Variants in NTNG2 observed in about 807,000 individuals in gnomAD.
NTNG2 encodes the protein netrin G2.
In NTNG2, 15 loss-of-function variants were observed where a neutral mutation model predicts 47.6. The ratio of observed to expected loss-of-function variants is 0.32; its 90% CI spans 0.21 to 0.49. The LOEUF (loss-of-function observed/expected upper bound fraction) is 0.49. Ranked by LOEUF, NTNG2 falls within the 20% of genes least tolerant of loss-of-function variation. The probability of loss-of-function intolerance (pLI) is 0.99; values close to 1 mark genes in which losing one functional copy is unlikely to be tolerated. For missense variants in NTNG2, 578 were observed against 764.6 expected (o/e 0.76, Z 2.88); for synonymous variants, 307 against 324.6 (o/e 0.95, Z 0.58).
chr9:132,196,809 G>T (rs562586836), intron 2 of NTNG2, among the ~76,000 whole-genome samples: 1 of 152,096 alleles, frequency 6.6e-6, no homozygotes, highest in Non-Finnish European at 1.5e-5. Context: ...GGGCTCAGTC[G>T]CACCACACTG....
intron 3 of NTNG2, among the ~76,000 whole-genome samples, chr9:132,204,440 T>C (rs755653559): frequency 3.9e-5 from 6 of 152,072 alleles, no homozygotes; most frequent in Non-Finnish European, 8.8e-5. Context: ...AAGAAAACCA[T>C]GGAGGGTGGG....
At chr9:132,185,683 C>A (rs1047920487) in intron 2 of NTNG2, among the ~76,000 whole-genome samples, 3 of 152,048 alleles carry the variant, frequency 2.0e-5, no homozygotes, top group Non-Finnish European at 4.4e-5. Context: ...TCTTCTCTCC[C>A]GTTCTTTCAT....
At chr9:132,199,629 C>T (rs1384162703) in intron 3 of NTNG2, among the ~76,000 whole-genome samples, 1 of 152,206 alleles carries the variant, frequency 6.6e-6, no homozygotes, top group Non-Finnish European at 1.5e-5. Flanking sequence ...TCCAATCCCT[C>T]CAGAGGTCGA....
At chr9:132,232,314 T>A (rs1298801935) in intron 5 of NTNG2, 1 of 152,532 alleles carries the variant, frequency 6.6e-6, no homozygotes, top group African/African-American at 2.4e-5. Context: ...AGCAAATGTC[T>A]CTGATCAGCA....
intron 3 of NTNG2, among the ~76,000 whole-genome samples, chr9:132,209,428 G>T (rs1333163656): frequency 6.6e-6 from 1 of 152,236 alleles, no homozygotes; most frequent in Non-Finnish European, 1.5e-5. Flanking sequence ...CCCGCCGTGG[G>T]GGCGTGCGAG....
At chr9:132,167,518 G>A (rs976277688) in intron 2 of NTNG2, among the ~76,000 whole-genome samples, 2 of 152,236 alleles carry the variant, frequency 1.3e-5, no homozygotes, top group African/African-American at 4.8e-5. Flanking sequence ...AGCATGCCAA[G>A]CACTGAGCTG....
At chr9:132,227,473 G>C (rs1840864374) in intron 4 of NTNG2, among the ~76,000 whole-genome samples, 1 of 152,166 alleles carries the variant, frequency 6.6e-6, no homozygotes, top group South Asian at 2.1e-4. Flanking sequence ...GATGGGGTGG[G>C]ACCCCCACTT....
Position 132,243,425 on chromosome 9 carries a change from G to T in NTNG2, c.*1314G>T, listed in dbSNP as rs1327857502. The stretch of plus-strand genomic sequence containing the variant: ...GCTGGAGGGGACAGGGGCAGCTTGG[G>T]AGTGGTGAGGAAGCTCCTAGATTCG... On this transcript the variant is annotated 3_prime_UTR_variant, in exon 8 of 8. Coordinates refer to ENST00000393229, the MANE Select transcript of NTNG2 (RefSeq NM_032536.4). 6.6e-6 allele frequency: 1 copy of T among 152,318 alleles called. No individual in the cohort carries two copies. The highest frequency in any genetic ancestry group is 1.5e-5 in the Non-Finnish European group (1 of 68,134). 9.4% of individuals were successfully genotyped at this position (152,318 alleles called of 1,614,324 possible).
In NTNG2 at chr9:132,242,389, CTTT is replaced by C. The variant is rs576454643; in HGVS notation, c.*293_*295del. The C allele has an allele frequency of 9.7e-5, 13 of 134,210 alleles. No homozygotes were observed. The highest frequency in any genetic ancestry group is 9.3e-5 in the Non-Finnish European group (6 of 64,412). The allele number at this position is 134,210 out of a possible 1,614,324, so 8.3% of individuals were successfully genotyped here. A position where few individuals can be genotyped will look rare whatever the true frequency, so the allele number is the denominator to read the frequency against. ...TCCTTTTTTGTCTTTCTCTCTCTCT[CTTT>C]TTTTTTTTTTTTTTCTGGCGGTGAG... On this transcript the variant is annotated 3_prime_UTR_variant, in exon 8 of 8. Transcript: ENST00000393229. The surrounding 1 kb of genome is among the most constrained non-coding windows in gnomAD (Gnocchi z 5.9).
Position 132,180,475 on chromosome 9 carries a change from C to T in NTNG2, c.213+13431C>T, listed in dbSNP as rs924792430. On this transcript the variant is annotated intron_variant, in intron 2 of 7. Coordinates refer to ENST00000393229, the MANE Select transcript of NTNG2 (RefSeq NM_032536.4). This position sits in a 1 kb window ranked among gnomAD's most constrained non-coding sequence, Gnocchi z 4.2. ...GCCCCTGTCCCCACCCAGGCAACATCCAAAACCTTTGCCCACAGTTCTGGG... is the reference window on the plus strand; with the variant it reads ...GCCCCTGTCCCCACCCAGGCAACATTCAAAACCTTTGCCCACAGTTCTGGG... Among the ~76,000 whole-genome samples, 1 of 152,232 alleles carries T rather than the reference C, an allele frequency of 6.6e-6. No individual in the cohort carries two copies. Among genetic ancestry groups the T allele is most frequent in the African/African-American group, 2.4e-5 (1 of 41,458 alleles).
intron 2 of NTNG2, among the ~76,000 whole-genome samples, chr9:132,178,192 C>G (rs950099464): frequency 1.3e-5 from 2 of 151,846 alleles, no homozygotes; most frequent in African/African-American, 4.8e-5. Flanking sequence ...CCCTCCCCTT[C>G]CCCTCCCCAC....
At chr9:132,186,464 C>T (rs1389329589) in intron 2 of NTNG2, among the ~76,000 whole-genome samples, 4 of 152,376 alleles carry the variant, frequency 2.6e-5, no homozygotes, top group Non-Finnish European at 5.9e-5. Context: ...AATGCCTCCC[C>T]GCCCACCACA....
chr9:132,219,389 A>G (rs1268938220), intron 3 of NTNG2, among the ~76,000 whole-genome samples: 1 of 151,934 alleles, frequency 6.6e-6, no homozygotes, highest in Non-Finnish European at 1.5e-5. Context: ...CATGGCCAAC[A>G]TGGCAAAACC....
chr9:132,186,651 G>A (rs562072125), intron 2 of NTNG2, among the ~76,000 whole-genome samples: 12 of 152,214 alleles, frequency 7.9e-5, no homozygotes, highest in Non-Finnish European at 1.2e-4. Context: ...CAGGTCCTCC[G>A]AAAGGATCTC....
At chr9:132,223,821 C>T (rs1411799200) in intron 3 of NTNG2, among the ~76,000 whole-genome samples, 1 of 152,152 alleles carries the variant, frequency 6.6e-6, no homozygotes, top group Non-Finnish European at 1.5e-5. Flanking sequence ...GCAGCCACAG[C>T]GTTATAAAAT....
At chr9:132,241,786 C>A in intron 7 of NTNG2, 90 bp from the exon 8 acceptor site, 1 of 972,670 alleles carries the variant, frequency 1.0e-6, no homozygotes, top group East Asian at 3.3e-5. Flanking sequence ...ACGGCGCCCC[C>A]GGGATCTCGC....
At chr9:132,216,381 C>CCTCTCTCTCTCTCTCT (rs1199246893) in intron 3 of NTNG2, among the ~76,000 whole-genome samples, 1 of 120,886 alleles carries the variant, frequency 8.3e-6, no homozygotes, top group African/African-American at 3.8e-5. Context: ...GCTGACTCAG[C>CCTCTCTCTCTCTCTCT]CTCTCTCTCT....
intron 2 of NTNG2, among the ~76,000 whole-genome samples, chr9:132,194,861 C>T (rs546649053): frequency 6.0e-4 from 92 of 152,368 alleles, no homozygotes; most frequent in Non-Finnish European, 1.1e-3. Flanking sequence ...CCAAAGGCTG[C>T]GGCTGCTGCA....
chr9:132,169,432 C>T (rs973133712), intron 2 of NTNG2, among the ~76,000 whole-genome samples: 1 of 152,312 alleles, frequency 6.6e-6, no homozygotes, highest in Non-Finnish European at 1.5e-5. Flanking sequence ...TGGGTTCAAA[C>T]CCTGATGCCA....
Sources: allele counts gnomAD v4.1 joint callset (sites outside exome capture counted in the v4.1 genomes callset), GRCh38; gene constraint gnomAD v4.1.1; non-coding constraint Gnocchi (gnomAD v3.1); transcripts MANE v1.5; gene names NCBI Gene and HGNC (gene_info 2026-07-23, HGNC 2026-07-21).